SPOCK1: variants seen among roughly 807,000 people sequenced by gnomAD.
The protein encoded by SPOCK1 is SPARC (osteonectin), cwcv and kazal like domains proteoglycan 1.
In SPOCK1, 23 loss-of-function variants were observed where a neutral mutation model predicts 55.3. The ratio of observed to expected loss-of-function variants is 0.42; its 90% CI spans 0.30 to 0.59. The LOEUF is 0.59. Among genes scored for constraint, SPOCK1 ranks in the 20% least tolerant of loss-of-function variants. The probability of loss-of-function intolerance (pLI) is 0.22; values close to 1 mark genes in which losing one functional copy is unlikely to be tolerated. For missense variants in SPOCK1, 499 were observed against 552.5 expected (o/e 0.90, Z 0.97); for synonymous variants, 226 against 221.0 (o/e 1.02, Z -0.20).
chr5:137,304,336 C>A (rs1757663442), intron 2 of SPOCK1, among the ~76,000 whole-genome samples: 1 of 152,206 alleles, frequency 6.6e-6, no homozygotes, highest in Admixed American at 6.5e-5. Flanking sequence ...AACACACAGG[C>A]TTGCCAATAA....
intron 6 of SPOCK1, among the ~76,000 whole-genome samples, chr5:137,033,814 G>C (rs1342519741): frequency 6.6e-6 from 1 of 152,028 alleles, no homozygotes; most frequent in Non-Finnish European, 1.5e-5. Flanking sequence ...TTGTTGCCCA[G>C]GCTGGTCTTG....
At chr5:137,376,462 G>C (rs914234173) in intron 2 of SPOCK1, among the ~76,000 whole-genome samples, 1 of 152,222 alleles carries the variant, frequency 6.6e-6, no homozygotes, top group Non-Finnish European at 1.5e-5. Flanking sequence ...CACTTGGTTT[G>C]ATCACAATTG....
chr5:137,038,079 T>C (rs1005546699), intron 6 of SPOCK1, among the ~76,000 whole-genome samples: 8 of 152,072 alleles, frequency 5.3e-5, no homozygotes, highest in Non-Finnish European at 8.8e-5. Context: ...AAGTCTGTTG[T>C]GGGGGAACAT....
intron 3 of SPOCK1, among the ~76,000 whole-genome samples, chr5:137,257,770 T>C (rs1209358086): frequency 6.6e-6 from 1 of 152,162 alleles, no homozygotes; most frequent in African/African-American, 2.4e-5. Flanking sequence ...AGGATCCTTT[T>C]CCTGACCTTC....
chr5:137,467,601 T>A (rs1358534283), intron 2 of SPOCK1, among the ~76,000 whole-genome samples: 4 of 152,216 alleles, frequency 2.6e-5, no homozygotes, highest in Non-Finnish European at 5.9e-5. Flanking sequence ...GTACATCTGA[T>A]AACACCACAG....
chr5:137,495,217 G>T (rs939134062), intron 2 of SPOCK1, among the ~76,000 whole-genome samples: 5 of 152,150 alleles, frequency 3.3e-5, no homozygotes, highest in African/African-American at 1.2e-4. Context: ...AAAAGAAGGG[G>T]ATAGGAAGTA....
At chr5:137,203,961 C>G (rs1465550599) in intron 3 of SPOCK1, among the ~76,000 whole-genome samples, 2 of 152,178 alleles carry the variant, frequency 1.3e-5, no homozygotes, top group Non-Finnish European at 2.9e-5. Context: ...TGAATTCTCC[C>G]TAAACGTGGA....
At chr5:137,306,673 G>A (rs992438103) in intron 2 of SPOCK1, among the ~76,000 whole-genome samples, 2 of 150,738 alleles carry the variant, frequency 1.3e-5, no homozygotes, top group African/African-American at 4.9e-5. Flanking sequence ...TTATAAAGCT[G>A]TGTTGGGCAG....
chr5:137,224,195 C>G (rs1358003348), intron 3 of SPOCK1, among the ~76,000 whole-genome samples: 2 of 152,280 alleles, frequency 1.3e-5, no homozygotes, highest in South Asian at 4.2e-4. Flanking sequence ...ACAAGAAAAG[C>G]TCTCAGCTTA....
At chr5:137,010,637 C>G (rs1162175102) in intron 6 of SPOCK1, among the ~76,000 whole-genome samples, 1 of 152,084 alleles carries the variant, frequency 6.6e-6, no homozygotes, top group Non-Finnish European at 1.5e-5. Context: ...ACATAAAGGC[C>G]AAAGTGAACA....
chr5:137,151,137 T>A (rs1168853437), intron 3 of SPOCK1, among the ~76,000 whole-genome samples: 3 of 151,834 alleles, frequency 2.0e-5, no homozygotes, highest in Non-Finnish European at 2.9e-5. Flanking sequence ...TAATCTAAAA[T>A]TTATATTTTG....
intron 5 of SPOCK1, among the ~76,000 whole-genome samples, chr5:137,072,597 G>A (rs76520559): frequency 2.0e-4 from 31 of 152,246 alleles, no homozygotes; most frequent in East Asian, 9.6e-4. Context: ...AATATTTTCC[G>A]TAAATGGTCA....
intron 2 of SPOCK1, among the ~76,000 whole-genome samples, chr5:137,372,137 T>C (rs972737678): frequency 1.3e-5 from 2 of 152,236 alleles, no homozygotes; most frequent in African/African-American, 4.8e-5. Context: ...CACTGTGAGC[T>C]AGCCTAGTTT....
intron 6 of SPOCK1, among the ~76,000 whole-genome samples, chr5:137,018,004 T>C (rs903487169): frequency 1.3e-5 from 2 of 152,236 alleles, no homozygotes; most frequent in Non-Finnish European, 2.9e-5. Flanking sequence ...CTAGCATTAA[T>C]TGCCCTGTGT....
chr5:137,022,820 T>C (rs1198527003), intron 6 of SPOCK1, among the ~76,000 whole-genome samples: 1 of 152,216 alleles, frequency 6.6e-6, no homozygotes, highest in East Asian at 1.9e-4. Context: ...GCCAGCGTTC[T>C]CTTCCAGACC....
At chr5:137,358,873 A>C (rs1354306401) in intron 2 of SPOCK1, among the ~76,000 whole-genome samples, 1 of 152,204 alleles carries the variant, frequency 6.6e-6, no homozygotes, top group Non-Finnish European at 1.5e-5. Flanking sequence ...TTACATGATC[A>C]AGTCAAGACT....
chr5:137,250,926 G>A (rs374154892), intron 3 of SPOCK1, among the ~76,000 whole-genome samples: 1 of 152,166 alleles, frequency 6.6e-6, no homozygotes, highest in East Asian at 1.9e-4. Flanking sequence ...CAGACCCAGA[G>A]AAGTCTGGGA....
intron 3 of SPOCK1, among the ~76,000 whole-genome samples, chr5:137,236,177 T>C (rs1756176746): frequency 6.6e-6 from 1 of 152,270 alleles, no homozygotes; most frequent in African/African-American, 2.4e-5. Flanking sequence ...CTATCTGGCC[T>C]GTCCTCCAGG....
chr5:137,211,355 C>T (rs1464767666), intron 3 of SPOCK1, among the ~76,000 whole-genome samples: 3 of 152,120 alleles, frequency 2.0e-5, no homozygotes, highest in Non-Finnish European at 4.4e-5. Context: ...ATACAGGGCA[C>T]CTACCTCAAT....
Sources: gnomAD v4.1 joint callset for allele counts (sites outside exome capture counted in the v4.1 genomes callset) on GRCh38, gnomAD v4.1.1 for gene constraint, MANE v1.5 for transcripts, NCBI Gene and HGNC (gene_info 2026-07-23, HGNC 2026-07-21) for gene names.